The following SGCG variants were observed in gnomAD, a reference collection of about 807,000 sequenced individuals.
The protein encoded by SGCG is gamma-sarcoglycan.
A neutral mutation model predicts 29.3 loss-of-function variants in SGCG; 26 were observed. The observed-to-expected ratio is 0.89, with a 90% CI of 0.65 to 1.23. SGCG has a LOEUF of 1.23. Among genes scored for constraint, SGCG ranks in the 50% most tolerant of loss-of-function variants. The pLI is 0.00. For missense variants in SGCG, 353 were observed against 356.0 expected (o/e 0.99, Z 0.07); for synonymous variants, 145 against 129.7 (o/e 1.12, Z -0.80).
intron 2 of SGCG, among the ~76,000 whole-genome samples, chr13:23,233,905 G>T (rs1879203195): frequency 6.6e-6 from 1 of 152,180 alleles, no homozygotes. Flanking sequence ...CAGCATCATG[G>T]AAACCAAAGG....
At chr13:23,191,496 C>A (rs679482) in intron 1 of SGCG, among the ~76,000 whole-genome samples, 25,741 of 152,176 alleles carry the variant, frequency 0.17, 2,572 homozygotes, top group African/African-American at 0.28. Flanking sequence ...TAGAGCATTA[C>A]AAATGTATTC....
chr13:23,312,989 T>G (rs1566043800), intron 6 of SGCG, among the ~76,000 whole-genome samples: 1 of 152,168 alleles, frequency 6.6e-6, no homozygotes, highest in Non-Finnish European at 1.5e-5. Context: ...TTACCCATTC[T>G]TCAGCCATTG....
chr13:23,300,529 G>C (rs1018262824), intron 6 of SGCG, among the ~76,000 whole-genome samples: 1 of 152,046 alleles, frequency 6.6e-6, no homozygotes, highest in Admixed American at 6.6e-5. Context: ...TCAGCCCAAC[G>C]ATGTCACAAG....
chr13:23,205,595 C>T (rs1280905832), intron 2 of SGCG, among the ~76,000 whole-genome samples: 1 of 152,040 alleles, frequency 6.6e-6, no homozygotes, highest in Non-Finnish European at 1.5e-5. Flanking sequence ...GACAATATGT[C>T]TACTTTATAC....
intron 1 of SGCG, among the ~76,000 whole-genome samples, chr13:23,196,434 A>G (rs963982902): frequency 1.3e-5 from 2 of 152,128 alleles, no homozygotes; most frequent in Non-Finnish European, 2.9e-5. Context: ...CTCTTTTTCA[A>G]ACACCTGGCC....
chr13:23,285,662 A>T (rs1881469606), intron 5 of SGCG, among the ~76,000 whole-genome samples: 1 of 152,154 alleles, frequency 6.6e-6, no homozygotes, highest in South Asian at 2.1e-4. Context: ...GGTATGAAAA[A>T]AAACTCCTGC....
the SGCG span, chr13:23,169,701 C>CAT: frequency 1.0e-5 from 1 of 96,856 alleles, no homozygotes; most frequent in Non-Finnish European, 2.2e-5. Context: ...CTCTGTCTCT[C>CAT]ATACACACAC....
chr13:23,193,005 G>A (rs1390481449), intron 1 of SGCG, among the ~76,000 whole-genome samples: 2 of 152,198 alleles, frequency 1.3e-5, no homozygotes, highest in African/African-American at 4.8e-5. Context: ...GCATCATTAT[G>A]TCCTAAAAGG....
At chr13:23,306,853 A>G (rs989689579) in intron 6 of SGCG, among the ~76,000 whole-genome samples, 2 of 152,254 alleles carry the variant, frequency 1.3e-5, no homozygotes, top group Non-Finnish European at 2.9e-5. Context: ...TTCATCCAGT[A>G]ACAGAAGAGC....
chr13:23,311,270 T>G (rs138356034), intron 6 of SGCG, among the ~76,000 whole-genome samples: 1 of 152,382 alleles, frequency 6.6e-6, no homozygotes, highest in African/African-American at 2.4e-5. Flanking sequence ...ATGTTGGCCA[T>G]CTGCAGTTTC....
rs181210672 is a variant in SGCG at position 23,279,439 on chromosome 13, A to G, written c.466A>G (p.Lys156Glu). 1 of 1,613,448 alleles carries G rather than the reference A, an allele frequency of 6.2e-7. No individual in the cohort carries two copies. Among genetic ancestry groups the G allele is most frequent in the Non-Finnish European group, 8.5e-7 (1 of 1,179,474 alleles). ...CAAGCCACTATTTACTGTAGATGAG[A>G]AGGAAGTTGTGGTTGGTACAGATAA... ...DGKPLFTVDEKEVVVGTDKLR... is the reference protein window; with the variant it reads ...DGKPLFTVDEEEVVVGTDKLR... The change falls in exon 5 of 8, where the codon AAG becomes GAG. Residue 156 changes from lysine to glutamate, a missense_variant. By Grantham distance (56) the Lys-to-Glu change is moderately conservative. Coordinates refer to ENST00000218867, the MANE Select transcript of SGCG (RefSeq NM_000231.3).
At chr13:23,303,418 G>A (rs1253317996) in intron 6 of SGCG, among the ~76,000 whole-genome samples, 1 of 152,192 alleles carries the variant, frequency 6.6e-6, no homozygotes, top group African/African-American at 2.4e-5. Flanking sequence ...AGAAACTAAT[G>A]AGGTGAGCCC....
At chr13:23,191,801 G>A (rs185170393) in intron 1 of SGCG, among the ~76,000 whole-genome samples, 3 of 152,256 alleles carry the variant, frequency 2.0e-5, no homozygotes, top group Non-Finnish European at 4.4e-5. Flanking sequence ...ATGACGTCAA[G>A]CCCTAAAATA....
At chr13:23,231,766 C>A (rs1879123309) in intron 2 of SGCG, among the ~76,000 whole-genome samples, 1 of 152,146 alleles carries the variant, frequency 6.6e-6, no homozygotes, top group Non-Finnish European at 1.5e-5. Flanking sequence ...CAGTTGTCAA[C>A]CTCTTTAGAC....
intron 4 of SGCG, among the ~76,000 whole-genome samples, chr13:23,272,355 G>A (rs1880904511): frequency 6.6e-6 from 1 of 152,106 alleles, no homozygotes; most frequent in African/African-American, 2.4e-5. Flanking sequence ...AATGTTCATT[G>A]ATCATAAATG....
chr13:23,277,219 C>G (rs1881112669), intron 4 of SGCG, among the ~76,000 whole-genome samples: 1 of 152,136 alleles, frequency 6.6e-6, no homozygotes, highest in Non-Finnish European at 1.5e-5. Context: ...AAACAGTGAA[C>G]TCTTACTGGA....
At chr13:23,208,451 G>A (rs898942406) in intron 2 of SGCG, among the ~76,000 whole-genome samples, 6 of 152,026 alleles carry the variant, frequency 3.9e-5, no homozygotes, top group African/African-American at 9.7e-5. Context: ...CAAGATGAAC[G>A]CATAAGGACA....
rs886043151 is a variant in SGCG at position 23,203,771 on chromosome 13, T to G, written c.77T>G (p.Ile26Ser). ...CCAGAGAATCAGTATGTCTACAAAA[T>G]TGGCATTTATGGCTGGAGAAAGCGC... is the stretch of plus-strand genomic sequence containing the variant. ...ERPENQYVYK[I>S]GIYGWRKRCL... is the part of the protein sequence containing the mutation. The change falls in exon 2 of 8, where the codon ATT (isoleucine) becomes AGT (serine). Residue 26 changes from isoleucine to serine, a missense_variant. Transcript: ENST00000218867. 6.2e-7 allele frequency: 1 copy of G among 1,613,896 alleles called. No homozygotes were observed. Among genetic ancestry groups the G allele is most frequent in the Non-Finnish European group, 8.5e-7 (1 of 1,179,890 alleles).
At chr13:23,314,423 C>T (rs1161820601) in intron 6 of SGCG, among the ~76,000 whole-genome samples, 1 of 67,016 alleles carries the variant, frequency 1.5e-5, no homozygotes, top group Admixed American at 1.5e-4. Context: ...TATTCTGTCC[C>T]TAATAAGATA....
Sources: allele counts gnomAD v4.1 joint callset (sites outside exome capture counted in the v4.1 genomes callset), GRCh38; gene constraint gnomAD v4.1.1; transcripts MANE v1.5; gene names NCBI Gene and HGNC (gene_info 2026-07-23, HGNC 2026-07-21).